The following CROCC variants were observed in gnomAD, a reference collection of about 807,000 sequenced individuals.
The protein encoded by CROCC is ciliary rootlet coiled-coil, rootletin, also known as rootletin.
In CROCC, 180 loss-of-function variants were observed where a neutral mutation model predicts 245.2. The ratio of observed to expected loss-of-function variants is 0.73; its 90% CI spans 0.65 to 0.83. The LOEUF (loss-of-function observed/expected upper bound fraction) is 0.83. Among genes scored for constraint, CROCC ranks in the 40% least tolerant of loss-of-function variants. The probability of loss-of-function intolerance (pLI) is 0.00; values close to 1 mark genes in which losing one functional copy is unlikely to be tolerated. For synonymous variants in CROCC, 1,205 were observed against 1,241.6 expected (o/e 0.97, Z 0.62); for missense variants, 2,688 against 2,779.4 (o/e 0.97, Z 0.74).
chr1:16,932,376 G>A (rs1287200878), intron 8 of CROCC, among the ~76,000 whole-genome samples: 1 of 152,254 alleles, frequency 6.6e-6, no homozygotes, highest in Admixed American at 6.5e-5. Flanking sequence ...GGAGGCAGAG[G>A]TTGCGGTGAG....
chr1:16,930,300 C>G lies in CROCC; in HGVS notation c.636C>G (p.Ser212Arg). 2 of 1,606,250 alleles carry G rather than the reference C, an allele frequency of 1.2e-6. No homozygotes were observed. The highest frequency in any genetic ancestry group is 1.7e-6 in the Non-Finnish European group (2 of 1,177,054). The change falls in exon 6 of 37, where the codon AGC (serine) becomes AGG (arginine). Residue 212 changes from serine to arginine, a missense_variant. By Grantham distance (110) the Ser-to-Arg change is moderately radical. Transcript: ENST00000375541. ...CTCCCACCCAGGACACAGAGCACAGCCAAGACCTGGAAAGCGCCCTCATCC... is the reference window on the plus strand; with the variant it reads ...CTCCCACCCAGGACACAGAGCACAGGCAAGACCTGGAAAGCGCCCTCATCC... ...EQQRLRDTEH[S>R]QDLESALIRL...
At chr1:16,971,068 G>A (rs1056240671) in intron 35 of CROCC, 13 of 444,482 alleles carry the variant, frequency 2.9e-5, no homozygotes, top group East Asian at 1.8e-4. Context: ...ATGGTGTGGC[G>A]TGTCTAGGTA....
chr1:16,927,602 G>A (rs1312213381), intron 3 of CROCC, among the ~76,000 whole-genome samples: 1 of 152,274 alleles, frequency 6.6e-6, no homozygotes, highest in African/African-American at 2.4e-5. Context: ...AACAGTCGAC[G>A]TGAACTCAGC....
rs2076063194 is a variant in CROCC at position 16,946,958 on chromosome 1, T to C, written c.2481T>C (p.His827=). Residue 827 remains histidine, a synonymous_variant, in exon 17 of 37, where the codon CAT becomes CAC. Coordinates refer to ENST00000375541, the MANE Select transcript of CROCC (RefSeq NM_014675.5). ...AGCAGCAGCTCCCCACGCTGCGCCATGAGCGCAGCCAGCTGCAGGAGCAGC... is the reference window on the plus strand; with the variant it reads ...AGCAGCAGCTCCCCACGCTGCGCCACGAGCGCAGCCAGCTGCAGGAGCAGC... ...ALEQQLPTLR[H]ERSQLQEQLA... The C allele has an allele frequency of 2.6e-6, 4 of 1,556,372 alleles. No individual in the cohort carries two copies. In the East Asian group the frequency reaches 7.2e-5, roughly 28 times the overall value.
At chr1:16,926,665 TC>T (rs2075541430) in intron 3 of CROCC, among the ~76,000 whole-genome samples, 1 of 151,696 alleles carries the variant, frequency 6.6e-6, no homozygotes, top group African/African-American at 2.4e-5. Flanking sequence ...CCCATGGGGG[TC>T]CCCCCTTCTT....
At chr1:16,941,756 T>C (rs1168691585) in intron 13 of CROCC, among the ~76,000 whole-genome samples, 1 of 152,086 alleles carries the variant, frequency 6.6e-6, no homozygotes, top group Non-Finnish European at 1.5e-5. Context: ...AAGAAAAAAT[T>C]CAGTTCTTTA....
Position 16,954,836 on chromosome 1 carries a change from G to A in CROCC, c.3424G>A (p.Ala1142Thr). 1 of 1,547,038 alleles carries A rather than the reference G, an allele frequency of 6.5e-7. No individual in the cohort carries two copies. Among genetic ancestry groups the A allele is most frequent in the Non-Finnish European group, 8.7e-7 (1 of 1,143,634 alleles). ...AQEVRRLQEQ[A>T]RDLGKQRDSC... Reference sequence around the variant, plus strand: ...GGAGGTGAGGAGGCTGCAAGAGCAGGCCCGAGACCTGGGCAAGCAGCGGGA... The same window carrying A: ...GGAGGTGAGGAGGCTGCAAGAGCAGACCCGAGACCTGGGCAAGCAGCGGGA... Residue 1142 changes from alanine to threonine, a missense_variant, in exon 23 of 37, where the codon GCC becomes ACC. By Grantham distance (58) the Ala-to-Thr change is moderately conservative (BLOSUM62 0). Around this residue, in one of 9 missense-constraint regions of CROCC, gnomAD observed 1,218 missense variants for 1,286.3 expected, o/e 0.95. Coordinates refer to ENST00000375541, the MANE Select transcript of CROCC (RefSeq NM_014675.5). This position sits in a 1 kb window ranked among gnomAD's most constrained non-coding sequence, Gnocchi z 4.4.
intron 30 of CROCC, among the ~76,000 whole-genome samples, chr1:16,967,163 A>C (rs1451967686): frequency 1.3e-5 from 2 of 152,180 alleles, no homozygotes; most frequent in East Asian, 3.8e-4. Context: ...AGCAGTGATT[A>C]CGTCACAGGG....
intron 23 of CROCC, 105 bp from the exon 24 acceptor site, chr1:16,955,207 A>T (rs1430809308): frequency 1.8e-6 from 2 of 1,093,786 alleles, no homozygotes; most frequent in African/African-American, 1.5e-5. Flanking sequence ...TGAGCACTGC[A>T]GAGGGATGGG....
At chr1:16,949,400 A>T (rs12217103) in intron 19 of CROCC, among the ~76,000 whole-genome samples, 42,005 of 152,042 alleles carry the variant, frequency 0.28, 6,641 homozygotes, top group East Asian at 0.62. Context: ...GGTCATGGAA[A>T]TTAATTTTCC....
Position 16,954,467 on chromosome 1 carries a change from G to A in CROCC, c.3321+110G>A. ...CCTGTCCTGGAGAAGCTTCCAGGCT[G>A]TGGGAAAGGAGGTTTAGCCCTTCTT... On this transcript the variant is annotated intron_variant, in intron 22 of 36. Coordinates refer to ENST00000375541, the MANE Select transcript of CROCC (RefSeq NM_014675.5). This position sits in a 1 kb window ranked among gnomAD's most constrained non-coding sequence, Gnocchi z 4.4. 2.8e-6 allele frequency: 4 copies of A among 1,425,400 alleles called. No individual in the cohort carries two copies. The highest frequency in any genetic ancestry group is 5.0e-5 in the Admixed American group (2 of 39,872). The allele number at this position is 1,425,400 out of a possible 1,614,324, so 88.3% of individuals were successfully genotyped here.
chr1:16,930,604 G>T lies in CROCC; in HGVS notation c.849+10G>T. On this transcript the variant is annotated intron_variant, in intron 7 of 36. Coordinates refer to ENST00000375541, the MANE Select transcript of CROCC (RefSeq NM_014675.5). ...GAGGCGCGAGGAGGAGGTGGGCATG[G>T]GGGTGCAGGGAGGCCAGCCTGACCC... is the stretch of plus-strand genomic sequence containing the variant. 6.2e-7 allele frequency: 1 copy of T among 1,602,976 alleles called. No individual in the cohort carries two copies. Among genetic ancestry groups the T allele is most frequent in the Non-Finnish European group, 8.5e-7 (1 of 1,175,414 alleles).
Position 16,972,493 on chromosome 1 carries a change from GGACCC to G in CROCC, c.*48_*52del. ...ACACCCCTGTGCCTGGGACAGGGGA[GGACCC>G]TTCTTTTGGACAGCCCCCCCACCCA... On this transcript the variant is annotated 3_prime_UTR_variant, in exon 37 of 37. Transcript: ENST00000375541. The G allele has an allele frequency of 2.1e-6, 3 of 1,427,348 alleles. No individual in the cohort carries two copies. The highest frequency in any genetic ancestry group is 1.9e-6 in the Non-Finnish European group (2 of 1,044,682). The allele number at this position is 1,427,348 out of a possible 1,614,324, so 88.4% of individuals were successfully genotyped here. A position where few individuals can be genotyped will look rare whatever the true frequency, so the allele number is the denominator to read the frequency against.
chr1:16,935,785 G>A (rs1286636851), intron 8 of CROCC, among the ~76,000 whole-genome samples: 3 of 152,274 alleles, frequency 2.0e-5, no homozygotes, highest in Admixed American at 6.5e-5. Context: ...CATGTACTTA[G>A]TAGCAGTCCC....
rs367651163 is a variant in CROCC at position 16,970,355 on chromosome 1, C to T, written c.5554C>T (p.Arg1852Cys). 35 of 1,594,802 alleles carry T rather than the reference C, an allele frequency of 2.2e-5. No homozygotes were observed. The highest frequency in any genetic ancestry group is 1.4e-4 in the East Asian group (6 of 43,938). ...LLQERLGSLQ[R>C]ALAQLEAEKR... The stretch of plus-strand genomic sequence containing the variant: ...GCAGGAGCGCCTGGGAAGCCTGCAG[C>T]GCGCCCTGGCTCAGCTGGAAGCTGA... The change falls in exon 34 of 37, where the codon CGC becomes TGC. Residue 1852 changes from arginine (R) to cysteine (C), a missense_variant. By Grantham distance (180) the Arg-to-Cys change is radical (BLOSUM62 -3). Around this residue, in one of 9 missense-constraint regions of CROCC, gnomAD observed 1,218 missense variants for 1,286.3 expected, o/e 0.95. Transcript: ENST00000375541.
intron 27 of CROCC, among the ~76,000 whole-genome samples, chr1:16,961,782 TTG>T (rs771775828): frequency 6.6e-5 from 10 of 152,076 alleles, no homozygotes; most frequent in Non-Finnish European, 1.3e-4. Flanking sequence ...TGCTTAATTT[TTG>T]TGTTTTTAGT....
At chr1:16,922,904 T>C in intron 2 of CROCC, 106 bp downstream of exon 2, 1 of 1,449,776 alleles carries the variant, frequency 6.9e-7, no homozygotes, top group Admixed American at 2.2e-5. Flanking sequence ...TAACTCACTG[T>C]GGGGCAGGCA....
At chr1:16,924,561 G>A (rs59784123) in intron 3 of CROCC, 82 bp downstream of exon 3, 91,058 of 1,495,486 alleles carry the variant, frequency 0.061, no homozygotes, top group Admixed American at 0.076. Flanking sequence ...GCCCACACAC[G>A]GGGCAAAAGA....
In CROCC at chr1:16,966,576, G is replaced by T; in HGVS notation, c.4860+5G>T. 1 of 1,472,072 alleles carries T rather than the reference G, an allele frequency of 6.8e-7. No homozygotes were observed. Among genetic ancestry groups the T allele is most frequent in the Non-Finnish European group, 9.0e-7 (1 of 1,113,594 alleles). 91.2% of individuals were successfully genotyped at this position (1,472,072 alleles called of 1,614,324 possible). ...AGCGAGCTCCGGGCCAGCCAGGTGG[G>T]CAGGAGCTGAGGGCCAGCGGGGCGA... is the stretch of plus-strand genomic sequence containing the variant. On this transcript the variant is annotated splice_donor_5th_base_variant and intron_variant, in intron 30 of 36. Transcript: ENST00000375541. This position sits in a 1 kb window ranked among gnomAD's most constrained non-coding sequence, Gnocchi z 4.8.
Sources: allele counts gnomAD v4.1 joint callset (sites outside exome capture counted in the v4.1 genomes callset), GRCh38; gene constraint gnomAD v4.1.1; regional missense constraint gnomAD v4.1.1; non-coding constraint Gnocchi (gnomAD v3.1); transcripts MANE v1.5; gene names NCBI Gene and HGNC (gene_info 2026-07-23, HGNC 2026-07-21).